Variants in ITPR1 observed in about 807,000 individuals in gnomAD.
The protein encoded by ITPR1 is inositol 1,4,5-trisphosphate receptor type 1.
ITPR1 carries 96 observed loss-of-function variants against 318.4 expected under a neutral mutation model. The observed-to-expected ratio is 0.30, with a 90% CI of 0.26 to 0.36. ITPR1 has a LOEUF of 0.36. ITPR1 is among the 10% of genes least tolerant of loss of function. ITPR1 has a pLI of 1.00. For synonymous variants in ITPR1, 1,312 were observed against 1,289.9 expected (o/e 1.02, Z -0.37); for missense variants, 2,440 against 3,460.2 (o/e 0.71, Z 7.40).
At chr3:4,510,382 C>T (rs1018727700) in intron 2 of ITPR1, among the ~76,000 whole-genome samples, 5 of 151,840 alleles carry the variant, frequency 3.3e-5, no homozygotes, top group African/African-American at 4.8e-5. Flanking sequence ...TGTTGTATGC[C>T]GAATAGATTG....
chr3:4,814,458 G>A lies in ITPR1; in HGVS notation c.7597G>A (p.Glu2533Lys). Residue 2533 changes from glutamate to lysine, a missense_variant, in exon 58 of 62, where the codon GAG (glutamate) becomes AAG (lysine). By Grantham distance (56) the Glu-to-Lys change is moderately conservative (BLOSUM62 1). Transcript: ENST00000649015. ...VPAEETEQDKEHTCETLLMCI... is the reference protein window; with the variant it reads ...VPAEETEQDKKHTCETLLMCI... ...TGCAGAAGAGACGGAACAGGATAAA[G>A]AGCACACATGTGAGACGCTGCTGAT... 1 of 1,613,944 alleles carries A rather than the reference G, an allele frequency of 6.2e-7. No individual in the cohort carries two copies. Among genetic ancestry groups the A allele is most frequent in the Non-Finnish European group, 8.5e-7 (1 of 1,179,882 alleles).
chr3:4,555,530 A>T (rs1321149482), intron 4 of ITPR1, among the ~76,000 whole-genome samples: 1 of 152,236 alleles, frequency 6.6e-6, no homozygotes, highest in East Asian at 1.9e-4. Flanking sequence ...CAAAATAATA[A>T]ATAAACCATG....
chr3:4,684,672 G>A (rs1574849651), intron 29 of ITPR1, among the ~76,000 whole-genome samples: 2 of 152,206 alleles, frequency 1.3e-5, no homozygotes, highest in East Asian at 3.8e-4. Flanking sequence ...TAAGTGCCTG[G>A]TACACAGTGT....
At chr3:4,657,175 A>G (rs1296345796) in intron 12 of ITPR1, among the ~76,000 whole-genome samples, 2 of 152,046 alleles carry the variant, frequency 1.3e-5, no homozygotes, top group Admixed American at 6.6e-5. Flanking sequence ...TGACTTCTCA[A>G]ATATTTCTTT....
intron 10 of ITPR1, 58 bp from the exon 11 acceptor site, chr3:4,652,065 T>C: frequency 7.7e-7 from 1 of 1,298,004 alleles, no homozygotes; most frequent in South Asian, 1.3e-5. Flanking sequence ...TACCTCCGAT[T>C]TAATGTCTTC....
chr3:4,769,506 G>T (rs1342725569), intron 46 of ITPR1, among the ~76,000 whole-genome samples: 1 of 152,198 alleles, frequency 6.6e-6, no homozygotes, highest in Non-Finnish European at 1.5e-5. Context: ...GAAGGAAATG[G>T]CTGCCTTTCA....
In ITPR1 at chr3:4,826,844, A is replaced by G. The variant is rs2050110563; in HGVS notation, c.8028+8602A>G. Among the ~76,000 whole-genome samples, 1 of 152,108 alleles carries G rather than the reference A, an allele frequency of 6.6e-6. No homozygotes were observed. The highest frequency in any genetic ancestry group is 1.5e-5 in the Non-Finnish European group (1 of 68,014). On this transcript the variant is annotated intron_variant, in intron 60 of 61. Transcript: ENST00000649015. This position sits in a 1 kb window ranked among gnomAD's most constrained non-coding sequence, Gnocchi z 4.2. ...GGAGGGTGTGCCAGGTGCCGTTTGT[A>G]ACAATGAGTTGAGCAGAGCCATGAT...
chr3:4,673,208 G>C lies in ITPR1; in HGVS notation c.2277G>C (p.Gln759His). The change falls in exon 21 of 62, where the codon CAG (glutamine) becomes CAC (histidine). Residue 759 changes from glutamine (Q) to histidine (H), a missense_variant. This residue lies in a region of ITPR1 where 478 missense variants were observed against 696.3 expected (regional missense o/e 0.69). Transcript: ENST00000649015. ...TGGCCATCAACGAAATCTCAGGCCA[G>C]CTGGATGTCGATCTCATTCTCCGCT... ...QYLAINEISG[Q>H]LDVDLILRCM... 6.2e-7 allele frequency: 1 copy of C among 1,613,962 alleles called. No individual in the cohort carries two copies. Among genetic ancestry groups the C allele is most frequent in the Non-Finnish European group, 8.5e-7 (1 of 1,179,862 alleles).
At position 4,644,144 on chromosome 3, in the gene ITPR1, A is replaced by G; in HGVS notation, c.534A>G (p.Ile178Met). The G allele has an allele frequency of 1.2e-6, 2 of 1,609,538 alleles. No individual in the cohort carries two copies. The highest frequency in any genetic ancestry group is 1.7e-6 in the Non-Finnish European group (2 of 1,177,314). ...GCTCCTTTCCATTCCAGGTGGTCAT[A>G]GGTGACAAGGTGGTTCTGAACCCCG... Reference protein sequence around the residue: ...KLRSIGDSVVIGDKVVLNPVN... With the variant: ...KLRSIGDSVVMGDKVVLNPVN... The change falls in exon 8 of 62, where the codon ATA (isoleucine) becomes ATG (methionine). Residue 178 changes from isoleucine (I) to methionine (M), a missense_variant. Transcript: ENST00000649015.
At chr3:4,668,634 A>G (rs918890360) in intron 18 of ITPR1, among the ~76,000 whole-genome samples, 1 of 151,948 alleles carries the variant, frequency 6.6e-6, no homozygotes, top group Non-Finnish European at 1.5e-5. Flanking sequence ...CACCCAGCTA[A>G]TTTTTGTGTT....
chr3:4,564,606 A>G (rs1269271292), intron 4 of ITPR1, among the ~76,000 whole-genome samples: 2 of 152,306 alleles, frequency 1.3e-5, no homozygotes, highest in Non-Finnish European at 2.9e-5. Flanking sequence ...GATTGGGATT[A>G]GTGCCCCCTT....
chr3:4,627,395 C>T (rs1203827988), intron 4 of ITPR1, among the ~76,000 whole-genome samples: 2 of 152,002 alleles, frequency 1.3e-5, no homozygotes, highest in African/African-American at 2.4e-5. Flanking sequence ...ACCCAGGAGG[C>T]GGAGGTCGCA....
chr3:4,494,403 T>A (rs1041786657), intron 1 of ITPR1, 28 bp from the exon 2 acceptor site: 1 of 152,290 alleles, frequency 6.6e-6, no homozygotes, highest in South Asian at 2.1e-4. Context: ...GGTCTGGTAC[T>A]CAGTCTTCTT....
intron 15 of ITPR1, 105 bp downstream of exon 15, chr3:4,662,347 G>T: frequency 1.0e-6 from 1 of 1,001,400 alleles, no homozygotes; most frequent in Non-Finnish European, 1.4e-6. Flanking sequence ...CTAAACATGG[G>T]GTAGCAGGCC....
At chr3:4,561,285 A>G (rs2086649116) in intron 4 of ITPR1, among the ~76,000 whole-genome samples, 1 of 152,156 alleles carries the variant, frequency 6.6e-6, no homozygotes, top group South Asian at 2.1e-4. Context: ...CCTAATGGAG[A>G]AGGACGACGT....
At chr3:4,716,350 G>C (rs1359303723) in intron 39 of ITPR1, among the ~76,000 whole-genome samples, 1 of 152,124 alleles carries the variant, frequency 6.6e-6, no homozygotes, top group Non-Finnish European at 1.5e-5. Flanking sequence ...AACTGGTTTT[G>C]TTTACTGTGG....
chr3:4,799,250 G>A (rs1437347324), intron 53 of ITPR1, among the ~76,000 whole-genome samples: 4 of 152,186 alleles, frequency 2.6e-5, no homozygotes, highest in Non-Finnish European at 5.9e-5. Context: ...GGCTTGACAC[G>A]ATGTCTAACA....
intron 17 of ITPR1, among the ~76,000 whole-genome samples, chr3:4,665,816 A>G (rs952359563): frequency 6.6e-6 from 1 of 152,212 alleles, no homozygotes; most frequent in Admixed American, 6.5e-5. Flanking sequence ...ATAGTCTCCT[A>G]TGAAATAAAT....
chr3:4,767,536 C>G (rs2045897619), intron 45 of ITPR1, among the ~76,000 whole-genome samples: 1 of 152,204 alleles, frequency 6.6e-6, no homozygotes, highest in Admixed American at 6.5e-5. Context: ...AAAACGAAAT[C>G]TTGGCTCTGT....
Sources: gnomAD v4.1 joint callset for allele counts (sites outside exome capture counted in the v4.1 genomes callset) on GRCh38, gnomAD v4.1.1 for gene constraint, gnomAD v4.1.1 regional missense constraint, Gnocchi (gnomAD v3.1) non-coding constraint, MANE v1.5 for transcripts, NCBI Gene and HGNC (gene_info 2026-07-23, HGNC 2026-07-21) for gene names.